ADGRL3: variants seen among roughly 807,000 people sequenced by gnomAD.
The protein encoded by ADGRL3 is adhesion G protein-coupled receptor L3.
A neutral mutation model predicts 153.5 loss-of-function variants in ADGRL3; 62 were observed. The observed-to-expected ratio is 0.40, with a 90% confidence interval of 0.33 to 0.50. The LOEUF (loss-of-function observed/expected upper bound fraction) is 0.50. ADGRL3 is among the 20% of genes least tolerant of loss of function. ADGRL3 has a pLI of 0.47. For missense variants in ADGRL3, 1,641 were observed against 1,859.4 expected (o/e 0.88, Z 2.16); for synonymous variants, 710 against 672.5 (o/e 1.06, Z -0.86).
rs1746071772 is a variant in ADGRL3 at position 62,072,725 on chromosome 4, A to G, written c.*1817A>G. The G allele has an allele frequency of 6.6e-6, 1 of 152,182 alleles. No homozygotes were observed. Among genetic ancestry groups the G allele is most frequent in the South Asian group, 2.1e-4 (1 of 4,836 alleles). The allele number at this position is 152,182 out of a possible 1,614,324, so 9.4% of individuals were successfully genotyped here. The stretch of plus-strand genomic sequence containing the variant: ...CATATATGTTACTATTTGCTTATCT[A>G]TAAACCAGCTGCAGTCACTATGCTT... On this transcript the variant is annotated 3_prime_UTR_variant, in exon 27 of 27. Coordinates refer to ENST00000683033, the MANE Select transcript of ADGRL3 (RefSeq NM_001387552.1).
chr4:61,437,182 C>G (rs1004569623), intron 2 of ADGRL3, among the ~76,000 whole-genome samples: 7 of 151,872 alleles, frequency 4.6e-5, no homozygotes, highest in Non-Finnish European at 7.4e-5. Flanking sequence ...CGCCATTGAT[C>G]CAAAACTAAA....
chr4:61,534,064 G>A (rs1231716956), intron 4 of ADGRL3, among the ~76,000 whole-genome samples: 2 of 151,866 alleles, frequency 1.3e-5, no homozygotes, highest in African/African-American at 4.8e-5. Flanking sequence ...TTTCTCCTAG[G>A]GTTTTTGTTG....
rs576890607 is a variant in ADGRL3 at position 62,075,874 on chromosome 4, A to C, written c.*4966A>C. ...ACATCTTAAAAATATTAAACAATTA[A>C]ATTTTCATTTGTAGGCTAGCAGAAC... On this transcript the variant is annotated 3_prime_UTR_variant, in exon 27 of 27. Coordinates refer to ENST00000683033, the MANE Select transcript of ADGRL3 (RefSeq NM_001387552.1). The C allele has an allele frequency of 1.3e-5, 2 of 152,260 alleles. No individual in the cohort carries two copies. The highest frequency in any genetic ancestry group is 3.9e-4 in the East Asian group (2 of 5,184). 9.4% of individuals were successfully genotyped at this position (152,260 alleles called of 1,614,324 possible). A position where few individuals can be genotyped will look rare whatever the true frequency, so the allele number is the denominator to read the frequency against.
At chr4:61,966,807 A>G (rs998461975) in intron 17 of ADGRL3, among the ~76,000 whole-genome samples, 11 of 152,092 alleles carry the variant, frequency 7.2e-5, no homozygotes, top group Admixed American at 2.6e-4. Context: ...TCCTCAGTCT[A>G]TGACTGGGTT....
intron 5 of ADGRL3, among the ~76,000 whole-genome samples, chr4:61,647,104 C>A (rs545694740): frequency 6.6e-6 from 1 of 152,134 alleles, no homozygotes; most frequent in Admixed American, 6.5e-5. Context: ...TTGTGCTTCC[C>A]GAGTGAGGCA....
intron 11 of ADGRL3, among the ~76,000 whole-genome samples, chr4:61,901,147 G>T (rs1302021848): frequency 6.6e-6 from 1 of 152,116 alleles, no homozygotes; most frequent in African/African-American, 2.4e-5. Flanking sequence ...TCTGTTACAT[G>T]ATTCCACTAT....
chr4:61,550,575 C>T (rs1238423602), intron 4 of ADGRL3, among the ~76,000 whole-genome samples: 2 of 151,748 alleles, frequency 1.3e-5, no homozygotes, highest in East Asian at 3.9e-4. Context: ...TTTTAAGATA[C>T]TTTGGTGTGG....
At chr4:61,506,969 C>A (rs2098434822) in intron 3 of ADGRL3, among the ~76,000 whole-genome samples, 1 of 151,918 alleles carries the variant, frequency 6.6e-6, no homozygotes, top group Non-Finnish European at 1.5e-5. Context: ...TATAAAAGAA[C>A]AAATAGTCTA....
intron 8 of ADGRL3, among the ~76,000 whole-genome samples, chr4:61,797,971 CT>C (rs1554034327): frequency 6.6e-6 from 1 of 152,154 alleles, no homozygotes; most frequent in Non-Finnish European, 1.5e-5. Flanking sequence ...TCACAGCCAT[CT>C]ATTAATATGA....
At chr4:61,750,237 T>A (rs1362940690) in intron 8 of ADGRL3, among the ~76,000 whole-genome samples, 1 of 150,942 alleles carries the variant, frequency 6.6e-6, no homozygotes, top group Admixed American at 6.6e-5. Flanking sequence ...TTTTAGGTGT[T>A]TGCTGGCCAT....
chr4:61,666,359 C>T (rs1391932781), intron 5 of ADGRL3, among the ~76,000 whole-genome samples: 1 of 151,484 alleles, frequency 6.6e-6, no homozygotes, highest in Non-Finnish European at 1.5e-5. Flanking sequence ...TTTTTTCAAA[C>T]ATACATAAGT....
chr4:61,315,169 A>G (rs1809992), intron 1 of ADGRL3, among the ~76,000 whole-genome samples: 108,309 of 151,992 alleles, frequency 0.71, 38,879 homozygotes, highest in East Asian at 0.97. Flanking sequence ...TCAAAGCAAA[A>G]TGAACACTCC....
At chr4:61,336,296 G>A (rs2095672283) in intron 1 of ADGRL3, among the ~76,000 whole-genome samples, 1 of 152,048 alleles carries the variant, frequency 6.6e-6, no homozygotes, top group Non-Finnish European at 1.5e-5. Context: ...AATGGATTGG[G>A]GTGGCTGTTT....
chr4:61,900,481 A>G (rs1045970174), intron 11 of ADGRL3, among the ~76,000 whole-genome samples: 12 of 152,204 alleles, frequency 7.9e-5, no homozygotes, highest in African/African-American at 2.9e-4. Flanking sequence ...TAAAGTTAGA[A>G]TATCACAAAG....
In ADGRL3 at chr4:61,205,171, C is replaced by T. The variant is rs571580337; in HGVS notation, c.-240+3406C>T. Among the ~76,000 whole-genome samples the T allele has an allele frequency of 2.0e-5, 3 of 152,214 alleles. No homozygotes were observed. In the South Asian group the frequency reaches 6.2e-4, roughly 32 times the overall value. ...TAAAGTCATGAGGATTGAAGTTAGT[C>T]AAATAATATGATGCAAAACTGAATT... is the stretch of plus-strand genomic sequence containing the variant. On this transcript the variant is annotated intron_variant, in intron 1 of 26. Coordinates refer to ENST00000683033, the MANE Select transcript of ADGRL3 (RefSeq NM_001387552.1).
chr4:61,447,578 T>A (rs1280559288), intron 2 of ADGRL3, among the ~76,000 whole-genome samples: 1 of 152,256 alleles, frequency 6.6e-6, no homozygotes, highest in African/African-American at 2.4e-5. Flanking sequence ...ACAGTTTTAT[T>A]TGCATAATTA....
At chr4:61,691,773 G>A (rs953677971) in intron 6 of ADGRL3, among the ~76,000 whole-genome samples, 6 of 152,106 alleles carry the variant, frequency 3.9e-5, no homozygotes, top group African/African-American at 1.4e-4. Context: ...TATTCTACCT[G>A]GATGTGTTTT....
At chr4:61,698,377 G>A (rs928771032) in intron 6 of ADGRL3, among the ~76,000 whole-genome samples, 2 of 151,952 alleles carry the variant, frequency 1.3e-5, no homozygotes, top group Non-Finnish European at 2.9e-5. Context: ...GCGTGAACCC[G>A]GGAGGCAGAG....
intron 1 of ADGRL3, among the ~76,000 whole-genome samples, chr4:61,360,919 T>A (rs899204780): frequency 8.5e-5 from 13 of 152,196 alleles, no homozygotes; most frequent in African/African-American, 2.9e-4. Flanking sequence ...TCTCACTTAG[T>A]CTTCAAAACA....
Sources: allele counts gnomAD v4.1 joint callset (sites outside exome capture counted in the v4.1 genomes callset), GRCh38; gene constraint gnomAD v4.1.1; transcripts MANE v1.5; gene names NCBI Gene and HGNC (gene_info 2026-07-23, HGNC 2026-07-21).